The following PDE7B variants were observed in gnomAD, a reference collection of about 807,000 sequenced individuals.
The protein encoded by PDE7B is 3',5'-cyclic-AMP phosphodiesterase 7B.
In PDE7B, 29 loss-of-function variants were observed where a neutral mutation model predicts 56.2. The observed-to-expected ratio is 0.52, with a 90% CI of 0.38 to 0.70. The LOEUF is 0.70. Among genes scored for constraint, PDE7B ranks in the 30% least tolerant of loss-of-function variants. The probability of loss-of-function intolerance (pLI) is 0.00; values close to 1 mark genes in which losing one functional copy is unlikely to be tolerated. For synonymous variants in PDE7B, 197 were observed against 196.9 expected (o/e 1.00, Z 0.00); for missense variants, 490 against 565.0 (o/e 0.87, Z 1.35).
chr6:136,078,853 T>C (rs536349709), intron 2 of PDE7B, among the ~76,000 whole-genome samples: 1 of 152,310 alleles, frequency 6.6e-6, no homozygotes, highest in South Asian at 2.1e-4. Context: ...TTATTACAAG[T>C]ATTTTAAATA....
At chr6:136,185,733 C>G (rs542292041) in intron 11 of PDE7B, among the ~76,000 whole-genome samples, 75 of 152,204 alleles carry the variant, frequency 4.9e-4, no homozygotes, top group African/African-American at 1.7e-3. Context: ...CCACTGCACT[C>G]TAGCCTGGGT....
chr6:135,968,811 T>A (rs1233430474), intron 2 of PDE7B, among the ~76,000 whole-genome samples: 2 of 152,140 alleles, frequency 1.3e-5, no homozygotes, highest in East Asian at 3.9e-4. Context: ...AGAATATAAA[T>A]CATTCTATTA....
chr6:136,113,655 G>A (rs1300440480), intron 3 of PDE7B, among the ~76,000 whole-genome samples: 1 of 152,202 alleles, frequency 6.6e-6, no homozygotes, highest in African/African-American at 2.4e-5. Context: ...AAAAGTAACG[G>A]CTGTATTCTC....
At chr6:136,083,835 A>G (rs189189852) in intron 2 of PDE7B, among the ~76,000 whole-genome samples, 114 of 151,532 alleles carry the variant, frequency 7.5e-4, no homozygotes, top group African/African-American at 2.4e-3. Context: ...CCACATTGAT[A>G]TTTTTCTTTT....
At chr6:136,015,536 G>A (rs945068254) in intron 2 of PDE7B, among the ~76,000 whole-genome samples, 1 of 152,116 alleles carries the variant, frequency 6.6e-6, no homozygotes, top group African/African-American at 2.4e-5. Context: ...TTCCGCCTGA[G>A]AATAAGTAAT....
chr6:136,007,676 A>G (rs1775812412), intron 2 of PDE7B, among the ~76,000 whole-genome samples: 1 of 151,538 alleles, frequency 6.6e-6, no homozygotes, highest in Non-Finnish European at 1.5e-5. Flanking sequence ...AAGAAAATCA[A>G]TTTCTTCCTG....
intron 1 of PDE7B, among the ~76,000 whole-genome samples, chr6:135,915,631 C>T (rs990876308): frequency 1.3e-5 from 2 of 152,142 alleles, no homozygotes; most frequent in African/African-American, 4.8e-5. Context: ...GTGCGCACCC[C>T]TTATGTAACA....
intron 2 of PDE7B, among the ~76,000 whole-genome samples, chr6:135,993,303 T>C (rs1775506063): frequency 6.6e-6 from 1 of 152,224 alleles, no homozygotes; most frequent in Non-Finnish European, 1.5e-5. Context: ...TATTTCATCT[T>C]TCAGAGGAGT....
chr6:135,856,264 G>A (rs1775024799), intron 1 of PDE7B, among the ~76,000 whole-genome samples: 1 of 152,168 alleles, frequency 6.6e-6, no homozygotes. Context: ...CTTGTATCAG[G>A]TTGATGTGCC....
In PDE7B at chr6:136,191,303, C is replaced by T. The variant is rs117785576; in HGVS notation, c.1127-311C>T. Among the ~76,000 whole-genome samples the T allele has an allele frequency of 7.4e-4, 113 of 152,290 alleles. 4 individuals are homozygous for T. The South Asian group carries it at 9.1e-3, about 12-fold the overall frequency. ...CTTGCTTGCCCTTCTGGCCCCAGAG[C>T]TGGAAATTTTTATTAGGCTGAAAAC... On this transcript the variant is annotated intron_variant, in intron 12 of 12. Coordinates refer to ENST00000308191, the MANE Select transcript of PDE7B (RefSeq NM_018945.4).
intron 10 of PDE7B, 46 bp from the exon 11 acceptor site, chr6:136,181,181 G>C (rs1779057950): frequency 6.9e-7 from 1 of 1,440,494 alleles, no homozygotes; most frequent in South Asian, 1.1e-5. Context: ...TTTTGCAACT[G>C]AAAGAACATC....
chr6:136,002,008 G>C (rs991648216), intron 2 of PDE7B, among the ~76,000 whole-genome samples: 2 of 152,188 alleles, frequency 1.3e-5, no homozygotes, highest in Non-Finnish European at 2.9e-5. Flanking sequence ...TCTCTCGGCA[G>C]AAACTCTATA....
intron 2 of PDE7B, among the ~76,000 whole-genome samples, chr6:136,003,247 C>T (rs918577441): frequency 8.6e-5 from 13 of 151,652 alleles, no homozygotes; most frequent in African/African-American, 2.7e-4. Context: ...CAAGAGAAAG[C>T]ATGAAAGATC....
chr6:135,870,186 A>G (rs1382920359), intron 1 of PDE7B, among the ~76,000 whole-genome samples: 2 of 152,164 alleles, frequency 1.3e-5, no homozygotes, highest in African/African-American at 2.4e-5. Context: ...AGTGGTGGAC[A>G]GTGTTCAGAT....
chr6:136,149,821 G>T (rs1778481476), intron 5 of PDE7B, among the ~76,000 whole-genome samples: 1 of 152,150 alleles, frequency 6.6e-6, no homozygotes, highest in South Asian at 2.1e-4. Context: ...ATGTTGATAG[G>T]TCTCTTTTAA....
chr6:135,914,410 T>C (rs1333680576), intron 1 of PDE7B, among the ~76,000 whole-genome samples: 1 of 150,522 alleles, frequency 6.6e-6, no homozygotes, highest in Non-Finnish European at 1.5e-5. Flanking sequence ...TCTGTCCCTA[T>C]AGATCTGCCT....
chr6:135,952,337 T>G (rs1450489338), intron 2 of PDE7B, among the ~76,000 whole-genome samples: 1 of 152,164 alleles, frequency 6.6e-6, no homozygotes. Flanking sequence ...ATAAGGACAA[T>G]TTTTTAAATA....
intron 2 of PDE7B, among the ~76,000 whole-genome samples, chr6:136,036,728 A>G (rs2128209523): frequency 6.6e-6 from 1 of 152,342 alleles, no homozygotes; most frequent in Admixed American, 6.5e-5. Flanking sequence ...TGTAGAGCAG[A>G]AGCAACAGAT....
chr6:136,125,873 C>A (rs778333982), intron 3 of PDE7B, among the ~76,000 whole-genome samples: 11 of 152,064 alleles, frequency 7.2e-5, no homozygotes, highest in Non-Finnish European at 1.6e-4. Flanking sequence ...CCCTCTCAGA[C>A]CCAATGCCTC....
Sources: gnomAD v4.1 joint callset for allele counts (sites outside exome capture counted in the v4.1 genomes callset) on GRCh38, gnomAD v4.1.1 for gene constraint, MANE v1.5 for transcripts, NCBI Gene and HGNC (gene_info 2026-07-23, HGNC 2026-07-21) for gene names.